Variants in FAAH2 observed in about 807,000 individuals in gnomAD.
FAAH2 encodes fatty acid amide hydrolase 2.
FAAH2 carries 60 observed loss-of-function variants against 36.9 expected under a neutral mutation model. That is an observed-to-expected ratio of 1.63 (90% CI 1.32 to 2.02). The LOEUF (loss-of-function observed/expected upper bound fraction) is 2.02. Among genes scored for constraint, FAAH2 ranks in the 30% most tolerant of loss-of-function variants. The pLI, the probability that FAAH2 is intolerant of heterozygous loss-of-function variation, is 0.00. For synonymous variants in FAAH2, 214 were observed against 143.8 expected, an observed-to-expected ratio of 1.49 and a Z score of -3.49; for missense variants, 689 against 397.5, an observed-to-expected ratio of 1.73 and a Z score of -6.23.
chrX:57,293,834 T>TAAATGG (rs2052056917), intron 2 of FAAH2, among the ~76,000 whole-genome samples: 1 of 110,176 alleles, frequency 9.1e-6, no homozygotes, highest in Non-Finnish European at 1.9e-5. Flanking sequence ...CTGGAGAGGG[T>TAAATGG]GCTTGTGGGT....
At chrX:57,315,849 C>T (rs1253628203) in intron 3 of FAAH2, among the ~76,000 whole-genome samples, 1 of 111,156 alleles carries the variant, frequency 9.0e-6, no homozygotes, top group East Asian at 2.8e-4. Flanking sequence ...AGATCTGAAA[C>T]AAGGAAAGAG....
chrX:57,341,766 C>A (rs1177839706), intron 5 of FAAH2, among the ~76,000 whole-genome samples: 1 of 111,214 alleles, frequency 9.0e-6, no homozygotes, highest in Non-Finnish European at 1.9e-5. Flanking sequence ...AGGCTGTTTT[C>A]TATCCACTGT....
intron 10 of FAAH2, among the ~76,000 whole-genome samples, chrX:57,468,928 A>G (rs2057103774): frequency 8.9e-6 from 1 of 112,069 alleles, no homozygotes; most frequent in African/African-American, 3.2e-5. Context: ...ACCAGAAGAG[A>G]GTGGGGGCCA....
the FAAH2 span, among the ~76,000 whole-genome samples, chrX:57,192,478 A>G: frequency 2.5e-4 from 28 of 111,911 alleles, no homozygotes; most frequent in Admixed American, 1.4e-3. Flanking sequence ...TAGGATTTCT[A>G]GTACTATGTT....
chrX:57,128,049 C>G, the FAAH2 span, among the ~76,000 whole-genome samples: 2 of 111,517 alleles, frequency 1.8e-5, no homozygotes, highest in African/African-American at 3.2e-5. Flanking sequence ...AAGATTTTCC[C>G]CCAGCTATTT....
In FAAH2 at chrX:57,471,331, G is replaced by A. The variant is rs373828091; in HGVS notation, c.1424-17426G>A. Among the ~76,000 whole-genome samples, 7 of 112,073 alleles carry A rather than the reference G, an allele frequency of 6.2e-5. 2 individuals carry two copies. The highest frequency in any genetic ancestry group is 9.5e-5 in the Admixed American group (1 of 10,559). On this transcript the variant is annotated intron_variant, in intron 10 of 10. Transcript: ENST00000374900. ...GTCCCTGTTTGCAGATGACAAGATT[G>A]TAAATCTAGAAATCCCCATTGTCTC...
Position 57,396,403 on chromosome X carries a change from A to G in FAAH2, c.996+15374A>G, listed in dbSNP as rs373412287. 9.4e-5 allele frequency among the ~76,000 whole-genome samples: 5 copies of G among 53,035 alleles called. No homozygotes were observed. The East Asian group carries it at 2.6e-3, about 28-fold the overall frequency. The allele number at this position is 53,035 out of a possible 115,157, so 46.1% of individuals were successfully genotyped here. ...TTTTTTTTTTTTTTCTTGTTTTTCT[A>G]CTTCCTTGAAGTGGAGCATTAGGTT... On this transcript the variant is annotated intron_variant, in intron 7 of 10. Transcript: ENST00000374900.
At chrX:57,335,725 A>T (rs754619465) in intron 4 of FAAH2, among the ~76,000 whole-genome samples, 2 of 111,425 alleles carry the variant, frequency 1.8e-5, no homozygotes, top group Non-Finnish European at 3.8e-5. Context: ...GCTGGGGGAC[A>T]GTCAGGTCTT....
chrX:57,128,401 A>C, the FAAH2 span, among the ~76,000 whole-genome samples: 1 of 112,014 alleles, frequency 8.9e-6, no homozygotes. Flanking sequence ...GATAGCAATG[A>C]GGACACAACA....
the FAAH2 span, among the ~76,000 whole-genome samples, chrX:57,129,352 T>G: frequency 8.9e-6 from 1 of 112,154 alleles, no homozygotes; most frequent in Non-Finnish European, 1.9e-5. Flanking sequence ...GGATGAAGTA[T>G]GAATAAAATT....
chrX:57,306,136 T>C lies in FAAH2; in HGVS notation c.276-4457T>C, dbSNP rs1402155960. Among the ~76,000 whole-genome samples, 2 of 111,891 alleles carry C rather than the reference T, an allele frequency of 1.8e-5. 1 individual carries two copies. The highest frequency in any genetic ancestry group is 1.9e-4 in the Admixed American group (2 of 10,466). On this transcript the variant is annotated intron_variant, in intron 2 of 10. Transcript: ENST00000374900. ...TCTTATTTCCAGAAAGTGGGTAACT[T>C]CAACTTCACACCCTTCTGCTTCTTT...
chrX:57,390,329 T>C (rs2055135131), intron 7 of FAAH2, among the ~76,000 whole-genome samples: 1 of 111,751 alleles, frequency 8.9e-6, no homozygotes, highest in South Asian at 3.7e-4. Context: ...CTTATATTTA[T>C]TGTACTTTAT....
At chrX:57,345,428 G>A (rs1364996758) in intron 5 of FAAH2, among the ~76,000 whole-genome samples, 1 of 110,772 alleles carries the variant, frequency 9.0e-6, no homozygotes, top group East Asian at 2.8e-4. Context: ...GTCCATAGAG[G>A]TGTTCATAAA....
rs750210034 is a variant in FAAH2, at chrX:57,406,528, G to C, written c.997-25390G>C. Among the ~76,000 whole-genome samples, 184 of 112,259 alleles carry C rather than the reference G, an allele frequency of 1.6e-3. 2 individuals are homozygous for C. The highest frequency in any genetic ancestry group is 5.6e-3 in the African/African-American group (172 of 30,895). On this transcript the variant is annotated intron_variant, in intron 7 of 10. Coordinates refer to ENST00000374900, the MANE Select transcript of FAAH2 (RefSeq NM_174912.4). ...GATCTTAGGGGAGGGGGCTGCACCA[G>C]CAACTTGTCCTGGACAGGAAGGAAC...
At chrX:57,440,275 G>A (rs762983309) in intron 8 of FAAH2, among the ~76,000 whole-genome samples, 5 of 110,984 alleles carry the variant, frequency 4.5e-5, no homozygotes, top group East Asian at 5.6e-4. Flanking sequence ...CTTTTATTTC[G>A]TTGAGAGGTG....
chrX:57,378,147 G>A (rs1043227468), intron 5 of FAAH2, among the ~76,000 whole-genome samples: 7 of 111,976 alleles, frequency 6.3e-5, no homozygotes, highest in African/African-American at 9.7e-5. Flanking sequence ...AGAGGAAATG[G>A]CATAAACAAA....
the FAAH2 span, among the ~76,000 whole-genome samples, chrX:57,127,921 A>G: frequency 8.9e-6 from 1 of 111,993 alleles, no homozygotes. Flanking sequence ...TACTCTTTAC[A>G]TTTGTGTGCA....
At chrX:57,212,916 G>A in the FAAH2 span, among the ~76,000 whole-genome samples, 2 of 111,357 alleles carry the variant, frequency 1.8e-5, no homozygotes, top group South Asian at 7.5e-4. Context: ...TATTTCTTGT[G>A]CATTTTGTAG....
chrX:57,239,579 C>T, the FAAH2 span, among the ~76,000 whole-genome samples: 2 of 110,283 alleles, frequency 1.8e-5, no homozygotes, highest in Non-Finnish European at 3.8e-5. Flanking sequence ...TGAATGTGAA[C>T]TTTTCTAGTA....
Sources: gnomAD v4.1 joint callset for allele counts (sites outside exome capture counted in the v4.1 genomes callset) on GRCh38, gnomAD v4.1.1 for gene constraint, MANE v1.5 for transcripts, NCBI Gene and HGNC (gene_info 2026-07-23, HGNC 2026-07-21) for gene names.